NECTIN1: variants seen among roughly 807,000 people sequenced by gnomAD.
The protein encoded by NECTIN1 is nectin cell adhesion molecule 1.
A neutral mutation model predicts 48.0 loss-of-function variants in NECTIN1; 23 were observed. The ratio of observed to expected loss-of-function variants is 0.48; its 90% CI spans 0.34 to 0.68. NECTIN1 has a LOEUF of 0.68. NECTIN1 is among the 30% of genes least tolerant of loss of function. The probability of loss-of-function intolerance (pLI) is 0.01; values close to 1 mark genes in which losing one functional copy is unlikely to be tolerated. For synonymous variants in NECTIN1, 270 were observed against 288.9 expected, an observed-to-expected ratio of 0.93 and a Z score of 0.66; for missense variants, 591 against 709.9, an observed-to-expected ratio of 0.83 and a Z score of 1.90.
intron 1 of NECTIN1, among the ~76,000 whole-genome samples, chr11:119,696,055 G>A (rs1342401089): frequency 6.6e-6 from 1 of 152,192 alleles, no homozygotes; most frequent in Non-Finnish European, 1.5e-5. Context: ...GAGGCAACAA[G>A]GCACAGCCTT....
chr11:119,688,597 A>AG (rs1865200786), intron 1 of NECTIN1, among the ~76,000 whole-genome samples: 1 of 152,176 alleles, frequency 6.6e-6, no homozygotes, highest in Admixed American at 6.5e-5. Flanking sequence ...TCCCCGGGTA[A>AG]GACCACTGGC....
At chr11:119,646,311 G>T (rs1026529805) in intron 5 of NECTIN1, among the ~76,000 whole-genome samples, 1 of 152,222 alleles carries the variant, frequency 6.6e-6, no homozygotes, top group African/African-American at 2.4e-5. Context: ...CCCTGGAGCT[G>T]ATGTAAAGTG....
In NECTIN1 at chr11:119,709,443, C is replaced by A. The variant is rs888493508; in HGVS notation, c.79+19032G>T. Among the ~76,000 whole-genome samples, 2 of 152,080 alleles carry A rather than the reference C, an allele frequency of 1.3e-5. No homozygotes were observed. Among genetic ancestry groups the A allele is most frequent in the East Asian group, 3.9e-4 (2 of 5,164 alleles). ...GCAGGGGCAGGGGCGCAGAGGAAGC[C>A]GAGACTACCCTCTAAAGAGTCCTTT... On this transcript the variant is annotated intron_variant, in intron 1 of 5. Transcript: ENST00000264025. The surrounding 1 kb of genome is among the most constrained non-coding windows in gnomAD (Gnocchi z 4.1).
At chr11:119,666,907 G>A (rs1399776441) in intron 5 of NECTIN1, among the ~76,000 whole-genome samples, 2 of 152,106 alleles carry the variant, frequency 1.3e-5, no homozygotes, top group East Asian at 3.9e-4. Context: ...GAAAACACAG[G>A]GCCCAAGGAA....
rs1864758057 is a variant in NECTIN1, at chr11:119,665,761, T to C, written c.1004-464A>G. Among the ~76,000 whole-genome samples, 1 of 152,118 alleles carries C rather than the reference T, an allele frequency of 6.6e-6. No homozygotes were observed. Among genetic ancestry groups the C allele is most frequent in the African/African-American group, 2.4e-5 (1 of 41,412 alleles). ...GAACTTGCCTGAGGCCACCCAGCAA[T>C]GATGCATCGTTGCTTCTCCTGCACA... is the stretch of plus-strand genomic sequence containing the variant. On this transcript the variant is annotated intron_variant, in intron 5 of 5. Transcript: ENST00000264025. The surrounding 1 kb of genome is among the most constrained non-coding windows in gnomAD (Gnocchi z 5.1).
In NECTIN1 at chr11:119,664,732, G is replaced by A. The variant is rs1161539197; in HGVS notation, c.*15C>T. The A allele has an allele frequency of 6.3e-7, 1 of 1,599,418 alleles. No homozygotes were observed. The highest frequency in any genetic ancestry group is 2.2e-5 in the East Asian group (1 of 44,548). ...TGGGGAGGAGCGGTCACAGACAGAGGCTCTGGAAGGGGGGCTACACGTACC... is the reference window on the plus strand; with the variant it reads ...TGGGGAGGAGCGGTCACAGACAGAGACTCTGGAAGGGGGGCTACACGTACC... On this transcript the variant is annotated 3_prime_UTR_variant, in exon 6 of 6. Transcript: ENST00000264025.
At chr11:119,671,875 G>A (rs1053264410) in intron 5 of NECTIN1, among the ~76,000 whole-genome samples, 1 of 152,210 alleles carries the variant, frequency 6.6e-6, no homozygotes, top group Non-Finnish European at 1.5e-5. Context: ...ACTGCCATTC[G>A]CTGGCTCAGA....
intron 1 of NECTIN1, among the ~76,000 whole-genome samples, chr11:119,706,797 G>T (rs532933847): frequency 3.7e-4 from 56 of 152,310 alleles, no homozygotes; most frequent in South Asian, 2.9e-3. Flanking sequence ...CCTTTTCGGA[G>T]CATTTGTATA....
At position 119,714,868 on chromosome 11, in the gene NECTIN1, ATCCCTGGGCGTGGCAGCCC is replaced by A. The variant is rs1330551816; in HGVS notation, c.79+13588_79+13606del. Reference sequence around the variant, plus strand: ...TGGTGGCTGGGAATCCTAGGCTGACATCCCTGGGCGTGGCAGCCCACATATGGAGCTGTTACTGGGGATC... The same window carrying A: ...TGGTGGCTGGGAATCCTAGGCTGACAACATATGGAGCTGTTACTGGGGATC... On this transcript the variant is annotated intron_variant, in intron 1 of 5. Coordinates refer to ENST00000264025, the MANE Select transcript of NECTIN1 (RefSeq NM_002855.5). Among the ~76,000 whole-genome samples the A allele has an allele frequency of 1.1e-4, 17 of 152,248 alleles. No individual in the cohort carries two copies. The South Asian group carries it at 3.5e-3, about 32-fold the overall frequency.
chr11:119,645,258 C>T (rs984073374), intron 5 of NECTIN1, among the ~76,000 whole-genome samples: 15 of 152,194 alleles, frequency 9.9e-5, no homozygotes, highest in African/African-American at 3.6e-4. Context: ...CCCACGTGTG[C>T]TGGACTGACC....
chr11:119,659,462 C>T (rs529002577), downstream of NECTIN1, among the ~76,000 whole-genome samples: 32 of 152,324 alleles, frequency 2.1e-4, no homozygotes, highest in Non-Finnish European at 2.5e-4. Context: ...GCTTCCAGGC[C>T]TTTGGTCCTC....
At position 119,661,434 on chromosome 11, in the gene NECTIN1, G is replaced by C. The variant is rs1428404775; in HGVS notation, c.*3313C>G. Reference sequence around the variant, plus strand: ...TGTGTGAAGCCTCCCTGTGGGTGTGGGGACCTGGGGCACACCCACCTGCCC... The same window carrying C: ...TGTGTGAAGCCTCCCTGTGGGTGTGCGGACCTGGGGCACACCCACCTGCCC... On this transcript the variant is annotated 3_prime_UTR_variant, in exon 6 of 6. Coordinates refer to ENST00000264025, the MANE Select transcript of NECTIN1 (RefSeq NM_002855.5). 3 of 985,768 alleles carry C rather than the reference G, an allele frequency of 3.0e-6. No individual in the cohort carries two copies. The highest frequency in any genetic ancestry group is 3.6e-6 in the Non-Finnish European group (3 of 830,000). 61.1% of individuals were successfully genotyped at this position (985,768 alleles called of 1,614,324 possible).
At chr11:119,713,741 C>T in intron 1 of NECTIN1, 1 of 431,104 alleles carries the variant, frequency 2.3e-6, no homozygotes, top group Non-Finnish European at 4.6e-6. Flanking sequence ...GTCCTCTGGC[C>T]CACCCAGTCT....
chr11:119,699,927 C>A (rs1865415317), intron 1 of NECTIN1, among the ~76,000 whole-genome samples: 3 of 152,202 alleles, frequency 2.0e-5, no homozygotes. Flanking sequence ...AAAATCACAA[C>A]CTCTCTGGGT....
chr11:119,692,037 T>C (rs571040823), intron 1 of NECTIN1, among the ~76,000 whole-genome samples: 4 of 152,262 alleles, frequency 2.6e-5, no homozygotes, highest in African/African-American at 9.6e-5. Flanking sequence ...TGGCCGCATG[T>C]CCCCAGCCCC....
intron 1 of NECTIN1, among the ~76,000 whole-genome samples, chr11:119,724,606 G>C (rs1865881133): frequency 6.6e-6 from 1 of 152,162 alleles, no homozygotes; most frequent in African/African-American, 2.4e-5. Flanking sequence ...CCACTCACAG[G>C]TCCTAGTCAG....
Position 119,661,939 on chromosome 11 carries a change from C to T in NECTIN1, c.*2808G>A. The T allele has an allele frequency of 2.0e-6, 2 of 985,314 alleles. No individual in the cohort carries two copies. The highest frequency in any genetic ancestry group is 1.1e-4 in the East Asian group (1 of 8,790). The allele number at this position is 985,314 out of a possible 1,614,324, so 61.0% of individuals were successfully genotyped here. A position where few individuals can be genotyped will look rare whatever the true frequency, so the allele number is the denominator to read the frequency against. On this transcript the variant is annotated 3_prime_UTR_variant, in exon 6 of 6. Transcript: ENST00000264025. Reference sequence around the variant, plus strand: ...GGTCTGAGGTGGTCGCACTTGCAGGCCTGTGTTCACCTACTCTGTGCTGCT... The same window carrying T: ...GGTCTGAGGTGGTCGCACTTGCAGGTCTGTGTTCACCTACTCTGTGCTGCT...
intron 1 of NECTIN1, among the ~76,000 whole-genome samples, chr11:119,688,968 G>A (rs768777724): frequency 1.4e-4 from 22 of 152,098 alleles, no homozygotes; most frequent in Non-Finnish European, 2.9e-4. Flanking sequence ...ATGCGGTGGG[G>A]TGTTGTGAGC....
exon 6 of NECTIN1, chr11:119,639,960 G>A: frequency 1.2e-6 from 2 of 1,614,124 alleles, no homozygotes; most frequent in Non-Finnish European, 1.7e-6. Context: ...CGGCCACGGT[G>A]CCCGCCAGGA....
Sources: allele counts gnomAD v4.1 joint callset (sites outside exome capture counted in the v4.1 genomes callset), GRCh38; gene constraint gnomAD v4.1.1; non-coding constraint Gnocchi (gnomAD v3.1); transcripts MANE v1.5; gene names NCBI Gene and HGNC (gene_info 2026-07-23, HGNC 2026-07-21).